Variants in ATP10B observed in about 807,000 individuals in gnomAD.
ATP10B encodes phospholipid-transporting ATPase VB.
In ATP10B, 122 loss-of-function variants were observed where a neutral mutation model predicts 141.2. The observed-to-expected ratio is 0.86, with a 90% CI of 0.75 to 1.00. The LOEUF (loss-of-function observed/expected upper bound fraction) is 1.00. ATP10B is among the 50% of genes least tolerant of loss of function. The pLI is 0.00. For missense variants in ATP10B, 1,876 were observed against 1,825.3 expected (o/e 1.03, Z -0.51); for synonymous variants, 685 against 692.0 (o/e 0.99, Z 0.16).
At chr5:160,915,312 T>C in the ATP10B span, among the ~76,000 whole-genome samples, 8 of 151,352 alleles carry the variant, frequency 5.3e-5, no homozygotes, top group South Asian at 4.2e-4. Context: ...GCTTTCTCCC[T>C]GGACTCTCCC....
intron 2 of ATP10B, among the ~76,000 whole-genome samples, chr5:160,778,845 G>A (rs559231388): frequency 1.6e-4 from 25 of 152,316 alleles, no homozygotes; most frequent in African/African-American, 3.1e-4. Flanking sequence ...GTTAAAGTCA[G>A]GTGGATTTGT....
intron 2 of ATP10B, among the ~76,000 whole-genome samples, chr5:160,780,731 A>T (rs1404441363): frequency 1.3e-5 from 2 of 152,194 alleles, no homozygotes; most frequent in African/African-American, 4.8e-5. Flanking sequence ...TTTAGAATTC[A>T]TGATCTACTC....
chr5:160,730,786 C>T (rs1043169570), intron 2 of ATP10B, among the ~76,000 whole-genome samples: 7 of 152,082 alleles, frequency 4.6e-5, no homozygotes, highest in East Asian at 3.8e-4. Context: ...ATATATGACC[C>T]GCCCCTGTGG....
intron 1 of ATP10B, among the ~76,000 whole-genome samples, chr5:160,841,726 AATTT>A (rs1317161507): frequency 1.3e-5 from 2 of 151,946 alleles, no homozygotes; most frequent in African/African-American, 2.4e-5. Context: ...CTTTTTATTT[AATTT>A]ATTATTATTT....
chr5:160,565,480 G>A lies in ATP10B; in HGVS notation c.4359C>T (p.Arg1453=), dbSNP rs1754473452. ...ATATGGTCAGTGAACTCTGGGATCG[G>A]CGATGGCTGCTCCTCTTTGAGCACC... ...MCRCSKRSSH[R]RSQSSLTI is the part of the protein sequence containing the mutation. Residue 1453 remains arginine, a synonymous_variant, in exon 26 of 26, where the codon CGC becomes CGT. Coordinates refer to ENST00000327245, the MANE Select transcript of ATP10B (RefSeq NM_025153.3). 6.2e-7 allele frequency: 1 copy of A among 1,613,966 alleles called. No homozygotes were observed. The highest frequency in any genetic ancestry group is 1.1e-5 in the South Asian group (1 of 91,060).
chr5:160,664,514 C>T (rs1382879594), intron 7 of ATP10B, among the ~76,000 whole-genome samples: 3 of 152,200 alleles, frequency 2.0e-5, no homozygotes, highest in Non-Finnish European at 2.9e-5. Flanking sequence ...GAGCAACAAA[C>T]AGATACATAT....
the ATP10B span, among the ~76,000 whole-genome samples, chr5:160,899,584 C>T: frequency 1.3e-5 from 2 of 152,076 alleles, no homozygotes; most frequent in South Asian, 4.2e-4. Context: ...ATCTCTCCCC[C>T]CAAAAAAGAT....
At chr5:160,885,685 T>C in the ATP10B span, among the ~76,000 whole-genome samples, 2 of 152,232 alleles carry the variant, frequency 1.3e-5, no homozygotes, top group Admixed American at 1.3e-4. Context: ...AGCATGACAC[T>C]GAAAGCTCTT....
chr5:160,618,073 T>C, intron 15 of ATP10B, 100 bp from the exon 16 acceptor site: 3 of 951,822 alleles, frequency 3.2e-6, no homozygotes, highest in Non-Finnish European at 5.1e-6. Flanking sequence ...ACAAATACTT[T>C]AGAGAAGGAA....
intron 13 of ATP10B, among the ~76,000 whole-genome samples, chr5:160,624,838 A>T (rs889736618): frequency 6.6e-6 from 1 of 152,220 alleles, no homozygotes; most frequent in Non-Finnish European, 1.5e-5. Flanking sequence ...CTGAACTGCT[A>T]GTCTAAGGTT....
At chr5:160,576,833 A>G (rs537938540) in intron 24 of ATP10B, among the ~76,000 whole-genome samples, 1 of 152,226 alleles carries the variant, frequency 6.6e-6, no homozygotes, top group South Asian at 2.1e-4. Flanking sequence ...CAGGACCCAG[A>G]TATTACAGGT....
chr5:160,689,794 T>C (rs1261533065), intron 3 of ATP10B, among the ~76,000 whole-genome samples: 1 of 152,166 alleles, frequency 6.6e-6, no homozygotes, highest in Non-Finnish European at 1.5e-5. Flanking sequence ...AAGTAATTTA[T>C]AGATTCAATG....
At chr5:160,585,254 G>C (rs150377630) in intron 24 of ATP10B, among the ~76,000 whole-genome samples, 2,374 of 152,304 alleles carry the variant, frequency 0.016, 28 homozygotes, top group Middle Eastern at 0.075. Context: ...ATCTAGAGCA[G>C]ATCCTACAAA....
At chr5:160,715,556 T>C (rs936528900) in intron 3 of ATP10B, among the ~76,000 whole-genome samples, 2 of 149,752 alleles carry the variant, frequency 1.3e-5, no homozygotes, top group African/African-American at 2.4e-5. Flanking sequence ...CAGATGGAAA[T>C]GCAGAAATCA....
At chr5:160,789,270 A>G (rs1407568708) in intron 1 of ATP10B, among the ~76,000 whole-genome samples, 2 of 152,268 alleles carry the variant, frequency 1.3e-5, no homozygotes, top group African/African-American at 4.8e-5. Flanking sequence ...GAGTACAGCC[A>G]TGCAACAAGG....
At chr5:160,813,022 T>C (rs555364568) in intron 1 of ATP10B, among the ~76,000 whole-genome samples, 2 of 152,280 alleles carry the variant, frequency 1.3e-5, no homozygotes, top group African/African-American at 4.8e-5. Context: ...GATGGCCAAA[T>C]AGGAACAGCT....
chr5:160,693,714 C>T (rs1581369587), intron 3 of ATP10B, among the ~76,000 whole-genome samples: 1 of 152,134 alleles, frequency 6.6e-6, no homozygotes, highest in Non-Finnish European at 1.5e-5. Flanking sequence ...GAAACTGTTC[C>T]ACCTCAGATT....
intron 1 of ATP10B, among the ~76,000 whole-genome samples, chr5:160,850,334 G>T (rs1324116244): frequency 6.6e-6 from 1 of 152,134 alleles, no homozygotes; most frequent in African/African-American, 2.4e-5. Flanking sequence ...TGAGATGGGA[G>T]AATTGCTTGA....
At chr5:160,794,432 T>C (rs1236726308) in intron 1 of ATP10B, among the ~76,000 whole-genome samples, 3 of 152,196 alleles carry the variant, frequency 2.0e-5, no homozygotes, top group Non-Finnish European at 2.9e-5. Flanking sequence ...ACAGTGATTG[T>C]TTCAAGTGAA....
Sources: allele counts gnomAD v4.1 joint callset (sites outside exome capture counted in the v4.1 genomes callset), GRCh38; gene constraint gnomAD v4.1.1; transcripts MANE v1.5; gene names NCBI Gene and HGNC (gene_info 2026-07-23, HGNC 2026-07-21).